Variants in PARD3B observed in about 807,000 individuals in gnomAD.
The protein encoded by PARD3B is par-3 family cell polarity regulator beta.
A neutral mutation model predicts 130.2 loss-of-function variants in PARD3B; 103 were observed. That is an observed-to-expected ratio of 0.79 (90% CI 0.67 to 0.93). The LOEUF is 0.93. Among genes scored for constraint, PARD3B ranks in the 40% least tolerant of loss-of-function variants. The pLI, the probability that PARD3B is intolerant of heterozygous loss-of-function variation, is 0.00. For missense variants in PARD3B, 1,609 were observed against 1,499.2 expected, an observed-to-expected ratio of 1.07 and a Z score of -1.21; for synonymous variants, 583 against 553.2, an observed-to-expected ratio of 1.05 and a Z score of -0.76.
At chr2:205,003,113 C>T (rs1024191196) in intron 3 of PARD3B, among the ~76,000 whole-genome samples, 2 of 152,204 alleles carry the variant, frequency 1.3e-5, no homozygotes, top group Non-Finnish European at 2.9e-5. Flanking sequence ...CTCCTGGTCC[C>T]CTTCCATCTT....
chr2:205,430,977 T>G (rs2047312801), intron 19 of PARD3B, among the ~76,000 whole-genome samples: 1 of 152,244 alleles, frequency 6.6e-6, no homozygotes, highest in African/African-American at 2.4e-5. Context: ...ATTCATGATA[T>G]TTTGATATGC....
At chr2:204,764,551 AT>A (rs1246665511) in intron 2 of PARD3B, among the ~76,000 whole-genome samples, 1 of 152,094 alleles carries the variant, frequency 6.6e-6, no homozygotes, top group Non-Finnish European at 1.5e-5. Context: ...TCTCAGAATG[AT>A]TTCTTCACAG....
rs1346633138 is a variant in PARD3B at position 205,421,434 on chromosome 2, C to T, written c.2742-18936C>T. On this transcript the variant is annotated intron_variant, in intron 19 of 22. Transcript: ENST00000406610. This position sits in a 1 kb window ranked among gnomAD's most constrained non-coding sequence, Gnocchi z 5.1. ...TGTTCCACTGTATTCCATTTTTAAT[C>T]TCCTCAAGACACACAGTAGAAAAGC... is the stretch of plus-strand genomic sequence containing the variant. Among the ~76,000 whole-genome samples the T allele has an allele frequency of 6.6e-6, 1 of 152,172 alleles. No individual in the cohort carries two copies. The highest frequency in any genetic ancestry group is 1.5e-5 in the Non-Finnish European group (1 of 68,030).
At chr2:205,190,488 T>G (rs2036336036) in intron 14 of PARD3B, among the ~76,000 whole-genome samples, 1 of 152,120 alleles carries the variant, frequency 6.6e-6, no homozygotes, top group African/African-American at 2.4e-5. Flanking sequence ...TAGTAAAAGG[T>G]GAGCAAGTCT....
chr2:204,885,325 G>GT (rs1029215051), intron 2 of PARD3B, among the ~76,000 whole-genome samples: 1 of 152,018 alleles, frequency 6.6e-6, no homozygotes, highest in Non-Finnish European at 1.5e-5. Flanking sequence ...TAATGGGGTT[G>GT]TTTTTTTCTT....
At position 204,548,211 on chromosome 2, in the gene PARD3B, AT is replaced by A. The variant is rs200154434; in HGVS notation, c.120+2100del. ...CCTAACAAATTCCATGCTTTTATTC[AT>A]TTTTTTTAAATGAGAAAAGGCCAGA... On this transcript the variant is annotated intron_variant, in intron 1 of 22. Coordinates refer to ENST00000406610, the MANE Select transcript of PARD3B (RefSeq NM_001302769.2). Among the ~76,000 whole-genome samples the A allele has an allele frequency of 7.1e-3, 1,080 of 152,128 alleles. 15 individuals carry two copies. Among genetic ancestry groups the A allele is most frequent in the African/African-American group, 0.025 (1,020 of 41,530 alleles).
intron 11 of PARD3B, among the ~76,000 whole-genome samples, chr2:205,164,147 A>T (rs767467980): frequency 5.9e-5 from 9 of 152,226 alleles, no homozygotes; most frequent in Non-Finnish European, 1.2e-4. Context: ...ATTTGACCTT[A>T]AAAAAGGAAG....
intron 2 of PARD3B, among the ~76,000 whole-genome samples, chr2:204,790,081 A>G (rs1345859478): frequency 6.6e-6 from 1 of 152,174 alleles, no homozygotes; most frequent in Non-Finnish European, 1.5e-5. Flanking sequence ...CGTGTTAGCC[A>G]GGATGGTCTC....
intron 1 of PARD3B, among the ~76,000 whole-genome samples, chr2:204,584,088 T>C (rs2032711943): frequency 6.6e-6 from 1 of 152,202 alleles, no homozygotes; most frequent in Admixed American, 6.5e-5. Flanking sequence ...CAGAATTAGA[T>C]GCAAGGGTGA....
At chr2:205,430,144 A>G (rs1043922223) in intron 19 of PARD3B, among the ~76,000 whole-genome samples, 9 of 152,160 alleles carry the variant, frequency 5.9e-5, no homozygotes, top group African/African-American at 1.4e-4. Flanking sequence ...ATGGATATAC[A>G]ATTTCCCTCG....
intron 22 of PARD3B, among the ~76,000 whole-genome samples, chr2:205,597,185 T>C (rs1273530322): frequency 6.6e-6 from 1 of 152,162 alleles, no homozygotes; most frequent in African/African-American, 2.4e-5. Flanking sequence ...GCCCTCACTC[T>C]CTACTCTTGT....
At chr2:204,667,413 C>T (rs1050470479) in intron 1 of PARD3B, among the ~76,000 whole-genome samples, 1 of 152,014 alleles carries the variant, frequency 6.6e-6, no homozygotes, top group African/African-American at 2.4e-5. Context: ...CTGAATATTA[C>T]CTCCATGCAT....
At chr2:204,713,115 G>T (rs185097251) in intron 2 of PARD3B, among the ~76,000 whole-genome samples, 347 of 152,088 alleles carry the variant, frequency 2.3e-3, no homozygotes, top group Middle Eastern at 6.8e-3. Context: ...AGGACATTGG[G>T]CTGTATATGA....
intron 2 of PARD3B, among the ~76,000 whole-genome samples, chr2:204,937,707 T>C (rs929979210): frequency 6.6e-6 from 1 of 152,222 alleles, no homozygotes; most frequent in Non-Finnish European, 1.5e-5. Context: ...TCATTATGCA[T>C]ATGGCTCCTC....
chr2:204,558,923 C>T (rs2031116514), intron 1 of PARD3B, among the ~76,000 whole-genome samples: 1 of 152,012 alleles, frequency 6.6e-6, no homozygotes, highest in Non-Finnish European at 1.5e-5. Flanking sequence ...ACAAACCTGA[C>T]AAAAACAAGA....
At position 204,673,812 on chromosome 2, in the gene PARD3B, G is replaced by C. The variant is rs2036414749; in HGVS notation, c.121-12369G>C. On this transcript the variant is annotated intron_variant, in intron 1 of 22. Coordinates refer to ENST00000406610, the MANE Select transcript of PARD3B (RefSeq NM_001302769.2). This position sits in a 1 kb window ranked among gnomAD's most constrained non-coding sequence, Gnocchi z 4.7. ...GTCTTCTCCCTTCACTAAAATTTAA[G>C]CTTTATTCCTTCCAAGAGCTGGATT... 6.6e-6 allele frequency among the ~76,000 whole-genome samples: 1 copy of C among 152,062 alleles called. No individual in the cohort carries two copies.
At chr2:204,836,983 T>C (rs2125579573) in intron 2 of PARD3B, among the ~76,000 whole-genome samples, 1 of 152,318 alleles carries the variant, frequency 6.6e-6, no homozygotes, top group Middle Eastern at 3.4e-3. Flanking sequence ...TCTTTTGAAA[T>C]GCAAGGCCTC....
intron 2 of PARD3B, among the ~76,000 whole-genome samples, chr2:204,852,293 G>T (rs2044739904): frequency 6.6e-6 from 1 of 151,760 alleles, no homozygotes; most frequent in Non-Finnish European, 1.5e-5. Flanking sequence ...GGGAAATACT[G>T]CGTATATATT....
At chr2:204,871,458 G>C (rs1454256223) in intron 2 of PARD3B, among the ~76,000 whole-genome samples, 1 of 152,014 alleles carries the variant, frequency 6.6e-6, no homozygotes, top group African/African-American at 2.4e-5. Flanking sequence ...AGAACACTTA[G>C]AACAATGTAT....
Sources: gnomAD v4.1 joint callset for allele counts (sites outside exome capture counted in the v4.1 genomes callset) on GRCh38, gnomAD v4.1.1 for gene constraint, Gnocchi (gnomAD v3.1) non-coding constraint, MANE v1.5 for transcripts, NCBI Gene and HGNC (gene_info 2026-07-23, HGNC 2026-07-21) for gene names.